Variants in MTM1 observed in about 807,000 individuals in gnomAD.
MTM1 encodes the protein myotubularin.
Under a neutral mutation model 52.1 loss-of-function variants are expected in MTM1, and 9 were observed. The observed-to-expected ratio is 0.17, with a 90% CI of 0.10 to 0.30. The LOEUF (loss-of-function observed/expected upper bound fraction) is 0.30. Ranked by LOEUF, MTM1 falls within the 10% of genes least tolerant of loss-of-function variation. MTM1 has a pLI of 1.00. For missense variants in MTM1, 277 were observed against 470.7 expected (o/e 0.59, Z 3.81); for synonymous variants, 136 against 163.8 (o/e 0.83, Z 1.29).
intron 1 of MTM1, among the ~76,000 whole-genome samples, chrX:150,575,964 G>GA (rs1249848258): frequency 4.5e-5 from 5 of 111,063 alleles, no homozygotes; most frequent in Non-Finnish European, 7.5e-5. Flanking sequence ...AGGCGTGAGG[G>GA]AGAACCTGTG....
chrX:150,619,352 T>C (rs1220314018), intron 6 of MTM1, among the ~76,000 whole-genome samples: 3 of 112,099 alleles, frequency 2.7e-5, no homozygotes, highest in Non-Finnish European at 5.6e-5. Context: ...GCAATGAGTG[T>C]CAGGCTTTTG....
intron 6 of MTM1, among the ~76,000 whole-genome samples, chrX:150,628,023 T>C (rs900409918): frequency 9.0e-6 from 1 of 111,212 alleles, no homozygotes; most frequent in Non-Finnish European, 1.9e-5. Context: ...GACAGGAAGG[T>C]TCTCTTGAAG....
intron 9 of MTM1, among the ~76,000 whole-genome samples, chrX:150,649,390 T>C (rs2039983951): frequency 8.9e-6 from 1 of 112,736 alleles, no homozygotes; most frequent in South Asian, 3.6e-4. Flanking sequence ...ACAAAACTAA[T>C]GGAGAACGAG....
At chrX:150,661,495 A>G (rs781857762) in intron 13 of MTM1, among the ~76,000 whole-genome samples, 38 of 112,281 alleles carry the variant, frequency 3.4e-4, no homozygotes, top group Non-Finnish European at 6.8e-4. Context: ...AATCTCATGT[A>G]TATTGCAGCA....
chrX:150,660,455 T>C lies in MTM1; in HGVS notation c.1438T>C (p.Phe480Leu). The C allele has an allele frequency of 2.5e-6, 3 of 1,198,198 alleles. No individual in the cohort carries two copies. Among genetic ancestry groups the C allele is most frequent in the African/African-American group, 3.5e-5 (2 of 57,680 alleles). ...LYSCRFGTFL[F>L]NCESARERQK... ...TAGTTGCCGATTTGGTACTTTCTTA[T>C]TCAACTGTGAATCTGCTCGAGAAAG... Residue 480 changes from phenylalanine (F) to leucine (L), a missense_variant, in exon 13 of 15, where the codon TTC becomes CTC. Coordinates refer to ENST00000370396, the MANE Select transcript of MTM1 (RefSeq NM_000252.3).
At chrX:150,652,666 C>T (rs1018822173) in intron 10 of MTM1, among the ~76,000 whole-genome samples, 648 of 52,898 alleles carry the variant, frequency 0.012, 9 homozygotes, top group African/African-American at 0.084. Flanking sequence ...TATACACACA[C>T]ACACACACAC....
chrX:150,574,923 A>G (rs782780885), intron 1 of MTM1, among the ~76,000 whole-genome samples: 4 of 112,279 alleles, frequency 3.6e-5, no homozygotes, highest in African/African-American at 1.3e-4. Context: ...AAAACTGTTA[A>G]GATCCCCACT....
intron 1 of MTM1, among the ~76,000 whole-genome samples, chrX:150,578,230 T>C (rs1388139739): frequency 8.9e-6 from 1 of 112,218 alleles, no homozygotes; most frequent in Non-Finnish European, 1.9e-5. Flanking sequence ...AGAAAGGAAC[T>C]GCAGGTGGTC....
At chrX:150,607,916 G>A (rs1345031311) in intron 4 of MTM1, among the ~76,000 whole-genome samples, 5 of 111,727 alleles carry the variant, frequency 4.5e-5, no homozygotes, top group East Asian at 2.8e-4. Context: ...TCAGTGTTGC[G>A]TGGGAGTAGT....
chrX:150,671,421 T>G lies in MTM1; in HGVS notation c.1645-7T>G. On this transcript the variant is annotated splice_region_variant and splice_polypyrimidine_tract_variant and intron_variant, in intron 14 of 14. Coordinates refer to ENST00000370396, the MANE Select transcript of MTM1 (RefSeq NM_000252.3). ...AAAGTGTAACTCAAGTCTCTGGTTC[T>G]CTCCAGCAGCCGAATCCAGTGGAGC... 8.3e-7 allele frequency: 1 copy of G among 1,211,392 alleles called. No homozygotes were observed. Among genetic ancestry groups the G allele is most frequent in the Non-Finnish European group, 1.1e-6 (1 of 895,397 alleles).
chrX:150,660,878 A>G lies in MTM1; in HGVS notation c.1467+394A>G, dbSNP rs183855469. ...TTGTAACAACTCAGCTGTCTTGGTA[A>G]CTAATATAGAGTGACAACAAACACC... On this transcript the variant is annotated intron_variant, in intron 13 of 14. Coordinates refer to ENST00000370396, the MANE Select transcript of MTM1 (RefSeq NM_000252.3). Among the ~76,000 whole-genome samples, 686 of 111,550 alleles carry G rather than the reference A, an allele frequency of 6.1e-3. 4 individuals are homozygous for G. Among genetic ancestry groups the G allele is most frequent in the Middle Eastern group, 0.014 (3 of 218 alleles).
At chrX:150,660,108 C>T (rs1384547595) in intron 12 of MTM1, among the ~76,000 whole-genome samples, 2 of 111,917 alleles carry the variant, frequency 1.8e-5, no homozygotes, top group African/African-American at 6.5e-5. Context: ...AACTAAACTA[C>T]ACTGTACCTG....
intron 14 of MTM1, among the ~76,000 whole-genome samples, chrX:150,667,891 C>CCA (rs1281639320): frequency 8.9e-6 from 1 of 112,215 alleles, no homozygotes; most frequent in Non-Finnish European, 1.9e-5. Context: ...GGTGTGTCCC[C>CCA]CAAAGGACAG....
At chrX:150,638,078 G>C (rs782674183) in intron 6 of MTM1, among the ~76,000 whole-genome samples, 1 of 112,345 alleles carries the variant, frequency 8.9e-6, no homozygotes, top group Non-Finnish European at 1.9e-5. Context: ...CTTGGACCTG[G>C]GTGGTAGCCA....
At chrX:150,651,685 C>A (rs781997293) in intron 10 of MTM1, among the ~76,000 whole-genome samples, 3 of 111,247 alleles carry the variant, frequency 2.7e-5, no homozygotes, top group South Asian at 3.8e-4. Flanking sequence ...AGAGACTTAA[C>A]ACAGAGATGT....
chrX:150,633,025 T>C (rs1249302639), intron 6 of MTM1, among the ~76,000 whole-genome samples: 1 of 111,372 alleles, frequency 9.0e-6, no homozygotes, highest in South Asian at 3.8e-4. Context: ...GTGGCCAAAA[T>C]TGCCAGGAGA....
intron 4 of MTM1, among the ~76,000 whole-genome samples, chrX:150,613,753 A>G (rs782720466): frequency 2.7e-5 from 3 of 112,053 alleles, no homozygotes; most frequent in South Asian, 3.7e-4. Flanking sequence ...GAAGAGAGGT[A>G]TTTCCTACAT....
intron 4 of MTM1, among the ~76,000 whole-genome samples, chrX:150,604,225 C>T (rs927234162): frequency 4.5e-5 from 5 of 111,572 alleles, no homozygotes; most frequent in African/African-American, 1.6e-4. Context: ...TTCTTCTCCC[C>T]GTGGCTTTAA....
intron 4 of MTM1, among the ~76,000 whole-genome samples, chrX:150,612,227 G>A (rs1296433290): frequency 8.2e-5 from 9 of 110,177 alleles, no homozygotes; most frequent in Admixed American, 6.8e-4. Context: ...TTCATTCCAC[G>A]TGATGCCCTT....
Sources: allele counts gnomAD v4.1 joint callset (sites outside exome capture counted in the v4.1 genomes callset), GRCh38; gene constraint gnomAD v4.1.1; transcripts MANE v1.5; gene names NCBI Gene and HGNC (gene_info 2026-07-23, HGNC 2026-07-21).